CUL2: variants seen among roughly 807,000 people sequenced by gnomAD.
The protein encoded by CUL2 is cullin 2.
Under a neutral mutation model 110.2 loss-of-function variants are expected in CUL2, and 22 were observed. That is an observed-to-expected ratio of 0.20 (90% CI 0.14 to 0.28). The LOEUF (loss-of-function observed/expected upper bound fraction) is 0.28. Among genes scored for constraint, CUL2 ranks in the 10% least tolerant of loss-of-function variants. The pLI is 1.00. For missense variants in CUL2, 631 were observed against 905.5 expected (o/e 0.70, Z 3.89); for synonymous variants, 279 against 293.2 (o/e 0.95, Z 0.49).
intron 1 of CUL2, among the ~76,000 whole-genome samples, chr10:35,101,423 A>T (rs1445998884): frequency 6.6e-6 from 1 of 152,198 alleles, no homozygotes; most frequent in Admixed American, 6.5e-5. Flanking sequence ...ATCTGTTTTA[A>T]TATCACCAGA....
chr10:35,031,206 T>C lies in CUL2; in HGVS notation c.1386+94A>G, dbSNP rs2085472408. The C allele has an allele frequency of 2.1e-5, 16 of 758,644 alleles. No homozygotes were observed. In the South Asian group the frequency reaches 3.1e-4, roughly 15 times the overall value. The allele number at this position is 758,644 out of a possible 1,614,324, so 47.0% of individuals were successfully genotyped here. A position where few individuals can be genotyped will look rare whatever the true frequency, so the allele number is the denominator to read the frequency against. Reference sequence around the variant, plus strand: ...CAAATACACATTTAACCAGATGAATTGTTTCCTGTTACTGTACACAATGCT... The same window carrying C: ...CAAATACACATTTAACCAGATGAATCGTTTCCTGTTACTGTACACAATGCT... On this transcript the variant is annotated intron_variant, in intron 14 of 20. Transcript: ENST00000374749. The surrounding 1 kb of genome is among the most constrained non-coding windows in gnomAD (Gnocchi z 4.4).
intron 1 of CUL2, chr10:35,118,424 C>T (rs370663199): frequency 6.6e-6 from 1 of 152,218 alleles, no homozygotes; most frequent in East Asian, 1.9e-4. Context: ...CTCTAATCTT[C>T]CGGTTCATGA....
intron 2 of CUL2, among the ~76,000 whole-genome samples, chr10:35,069,448 G>C (rs910474501): frequency 1.3e-5 from 2 of 152,002 alleles, no homozygotes; most frequent in African/African-American, 4.8e-5. Flanking sequence ...GGCTGAGATA[G>C]GAGGATCTCT....
chr10:35,079,255 T>C (rs2086891190), intron 1 of CUL2, among the ~76,000 whole-genome samples: 1 of 152,198 alleles, frequency 6.6e-6, no homozygotes, highest in Admixed American at 6.5e-5. Context: ...TACTCGCCCT[T>C]CTTGTGAAGG....
intron 1 of CUL2, among the ~76,000 whole-genome samples, chr10:35,103,674 G>A (rs1564754133): frequency 6.6e-6 from 1 of 151,950 alleles, no homozygotes; most frequent in Non-Finnish European, 1.5e-5. Flanking sequence ...AGCCCAGGCT[G>A]GTCTCGAACA....
chr10:35,107,683 C>T lies in CUL2; in HGVS notation c.-50-6623G>A, dbSNP rs186863099. 6.9e-4 allele frequency among the ~76,000 whole-genome samples: 105 copies of T among 151,682 alleles called. No homozygotes were observed. The East Asian group carries it at 7.0e-3, about 10-fold the overall frequency. The stretch of plus-strand genomic sequence containing the variant: ...GAATCACGAGGTCAGGAGATGGAGA[C>T]CATCCTGGCTAACATGGTGAAACCC... On this transcript the variant is annotated intron_variant, in intron 1 of 5. Coordinates refer to the CUL2 transcript ENST00000685421.
intron 20 of CUL2, 98 bp from the exon 21 acceptor site, chr10:35,010,540 G>GC: frequency 8.2e-7 from 1 of 1,224,750 alleles, no homozygotes; most frequent in South Asian, 2.1e-5. Context: ...ATGTACTGAG[G>GC]TTTCAACAAA....
At chr10:35,075,085 T>C in intron 1 of CUL2, among the ~76,000 whole-genome samples, 1 of 152,220 alleles carries the variant, frequency 6.6e-6, no homozygotes, top group Admixed American at 6.5e-5. Context: ...AGACTGACAC[T>C]GACTTCTCTG....
chr10:35,075,387 C>A (rs1312501520), intron 1 of CUL2, among the ~76,000 whole-genome samples: 1 of 152,128 alleles, frequency 6.6e-6, no homozygotes, highest in Non-Finnish European at 1.5e-5. Flanking sequence ...AGAAAAAGGA[C>A]CACAGTCACA....
chr10:35,016,038 C>T (rs74424550), intron 18 of CUL2, among the ~76,000 whole-genome samples, 154 bp downstream of exon 18: 35 of 152,314 alleles, frequency 2.3e-4, no homozygotes, highest in Admixed American at 5.2e-4. Context: ...GATGCCTTAA[C>T]GCTCGCAGCT....
chr10:35,112,215 G>A (rs1043684384), intron 1 of CUL2, among the ~76,000 whole-genome samples: 15 of 152,098 alleles, frequency 9.9e-5, no homozygotes, highest in Admixed American at 4.6e-4. Flanking sequence ...TTGAACTCTC[G>A]TCTGCTGGAA....
At chr10:35,077,897 G>A (rs1360959837) in intron 1 of CUL2, among the ~76,000 whole-genome samples, 1 of 151,954 alleles carries the variant, frequency 6.6e-6, no homozygotes, top group Non-Finnish European at 1.5e-5. Context: ...TCTGAAATCT[G>A]CTTCACAATT....
intron 3 of CUL2, among the ~76,000 whole-genome samples, chr10:35,061,404 G>A (rs1485662469): frequency 4.4e-5 from 6 of 135,512 alleles, no homozygotes; most frequent in South Asian, 2.4e-4. Flanking sequence ...GAACCCGATC[G>A]CACCGAGACC....
Position 35,039,100 on chromosome 10 carries a change from T to C in CUL2, c.715-18A>G. On this transcript the variant is annotated intron_variant, in intron 8 of 20. Transcript: ENST00000374749. The stretch of plus-strand genomic sequence containing the variant: ...CCTAGAACCTATAAAAATATTTTCT[T>C]ACAGTCATGAACACAAAGTTTTACT... 6.6e-7 allele frequency: 1 copy of C among 1,508,130 alleles called. No individual in the cohort carries two copies. Among genetic ancestry groups the C allele is most frequent in the Non-Finnish European group, 8.9e-7 (1 of 1,122,712 alleles). The allele number at this position is 1,508,130 out of a possible 1,614,324, so 93.4% of individuals were successfully genotyped here. A position where few individuals can be genotyped will look rare whatever the true frequency, so the allele number is the denominator to read the frequency against.
chr10:35,074,274 G>T, intron 1 of CUL2: 1 of 1,377,148 alleles, frequency 7.3e-7, no homozygotes, highest in Non-Finnish European at 1.0e-6. Flanking sequence ...TTCAGTTTGG[G>T]CTCAACTGCA....
At chr10:35,085,164 C>T (rs924255493) in intron 1 of CUL2, among the ~76,000 whole-genome samples, 2 of 151,802 alleles carry the variant, frequency 1.3e-5, no homozygotes, top group African/African-American at 2.4e-5. Flanking sequence ...TGTGGTGGCT[C>T]ACACCTGTAA....
chr10:35,042,564 G>A (rs2085820994), intron 8 of CUL2, among the ~76,000 whole-genome samples: 1 of 152,112 alleles, frequency 6.6e-6, no homozygotes, highest in Admixed American at 6.5e-5. Flanking sequence ...ACCCTCCCCA[G>A]AGAAAGCCCC....
chr10:35,071,199 G>A lies in CUL2; in HGVS notation c.119C>T (p.Ser40Leu), dbSNP rs776824977. ...GATCAAGCTGCCATTAAAAGGATACGAGAAACGGTCATTCCATGTTGCTCT... is the reference window on the plus strand; with the variant it reads ...GATCAAGCTGCCATTAAAAGGATACAAGAAACGGTCATTCCATGTTGCTCT... ...VERATWNDRF[S>L]DIYALCVAYP... Residue 40 changes from serine to leucine, a missense_variant and splice_region_variant, in exon 2 of 21, where the codon TCA becomes TTA. Ser to Leu is a moderately radical substitution (Grantham distance 145, BLOSUM62 -2). This residue lies in a region of CUL2 where 338 missense variants were observed against 442.5 expected (regional missense o/e 0.76). Transcript: ENST00000374749. 10 of 1,612,626 alleles carry A rather than the reference G, an allele frequency of 6.2e-6. No homozygotes were observed. Among genetic ancestry groups the A allele is most frequent in the South Asian group, 1.1e-5 (1 of 90,852 alleles).
chr10:35,038,065 G>C lies in CUL2; in HGVS notation c.877+855C>G, dbSNP rs538214730. 2.5e-3 allele frequency among the ~76,000 whole-genome samples: 379 copies of C among 151,968 alleles called. 3 individuals carry two copies. The highest frequency in any genetic ancestry group is 8.9e-3 in the African/African-American group (367 of 41,458). On this transcript the variant is annotated intron_variant, in intron 9 of 20. Coordinates refer to ENST00000374749, the MANE Select transcript of CUL2 (RefSeq NM_003591.4). ...CTACTTGGGAGGCTGAGGCAGAATT[G>C]CTTGAACCTGGGAGGCAGGGGTTGC...
Sources: gnomAD v4.1 joint callset for allele counts (sites outside exome capture counted in the v4.1 genomes callset) on GRCh38, gnomAD v4.1.1 for gene constraint, gnomAD v4.1.1 regional missense constraint, Gnocchi (gnomAD v3.1) non-coding constraint, MANE v1.5 for transcripts, NCBI Gene and HGNC (gene_info 2026-07-23, HGNC 2026-07-21) for gene names.